Variants in AFF1 observed in about 807,000 individuals in gnomAD.
AFF1 encodes the protein ALF transcription elongation factor 1.
AFF1 carries 48 observed loss-of-function variants against 121.7 expected under a neutral mutation model. The ratio of observed to expected loss-of-function variants is 0.39; its 90% confidence interval spans 0.31 to 0.50. AFF1 has a LOEUF of 0.50. Ranked by LOEUF, AFF1 falls within the 20% of genes least tolerant of loss-of-function variation. The probability of loss-of-function intolerance (pLI) is 0.76; values close to 1 mark genes in which losing one functional copy is unlikely to be tolerated. For missense variants in AFF1, 1,523 were observed against 1,511.7 expected, an observed-to-expected ratio of 1.01 and a Z score of -0.12; for synonymous variants, 613 against 563.0, an observed-to-expected ratio of 1.09 and a Z score of -1.26.
At chr4:87,092,990 A>G (rs957575407) in intron 7 of AFF1, among the ~76,000 whole-genome samples, 5 of 152,204 alleles carry the variant, frequency 3.3e-5, no homozygotes, top group African/African-American at 7.2e-5. Flanking sequence ...GTTGCTGGTC[A>G]TGCAGGTGGC....
At position 87,134,645 on chromosome 4, in the gene AFF1, C is replaced by T. The variant is rs2230859; in HGVS notation, c.3486C>T (p.Thr1162=). 1,960 of 1,614,102 alleles carry T rather than the reference C, an allele frequency of 1.2e-3. 18 individuals carry two copies. In the African/African-American group the frequency reaches 0.023, roughly 19 times the overall value. ...TCACCATCACATCCCATGTTCTTAC[C>T]GCCTTTGACCTTTGGGAACAGGCCG... ...SYVTITSHVL[T]AFDLWEQAEA... Residue 1162 remains threonine (T), a synonymous_variant, in exon 20 of 21, where the codon ACC becomes ACT. Transcript: ENST00000395146.
intron 8 of AFF1, among the ~76,000 whole-genome samples, chr4:87,097,350 A>T (rs1724978968): frequency 6.6e-6 from 1 of 152,158 alleles, no homozygotes; most frequent in Non-Finnish European, 1.5e-5. Flanking sequence ...GTAGCCTCAG[A>T]CTGAGCAGGC....
chr4:86,996,948 G>C (rs1395936550), intron 2 of AFF1, among the ~76,000 whole-genome samples: 2 of 152,142 alleles, frequency 1.3e-5, no homozygotes, highest in Non-Finnish European at 2.9e-5. Flanking sequence ...GTCTTGCTCT[G>C]TTGCCCAGGC....
At chr4:87,107,385 T>C (rs375962) in intron 10 of AFF1, among the ~76,000 whole-genome samples, 149,255 of 152,302 alleles carry the variant, frequency 0.98, 73,206 homozygotes, top group East Asian at 1. Context: ...TGTGTTTTCT[T>C]ACTAACTTAG....
At chr4:86,992,233 T>A (rs1035910172) in intron 2 of AFF1, among the ~76,000 whole-genome samples, 2 of 152,166 alleles carry the variant, frequency 1.3e-5, no homozygotes, top group Non-Finnish European at 2.9e-5. Flanking sequence ...CTGAGAAAAT[T>A]GCCCATTTTC....
chr4:86,993,254 C>T (rs1724868849), intron 2 of AFF1, among the ~76,000 whole-genome samples: 1 of 152,156 alleles, frequency 6.6e-6, no homozygotes, highest in African/African-American at 2.4e-5. Context: ...ACAGAAAGTG[C>T]CAGTAGTTGA....
intron 5 of AFF1, among the ~76,000 whole-genome samples, chr4:87,087,245 A>G (rs1723830100): frequency 6.6e-6 from 1 of 152,262 alleles, no homozygotes; most frequent in African/African-American, 2.4e-5. Flanking sequence ...CCACAGCACT[A>G]GGATGTTGTA....
intron 2 of AFF1, among the ~76,000 whole-genome samples, chr4:87,021,117 A>G (rs993891486): frequency 6.6e-6 from 1 of 152,000 alleles, no homozygotes; most frequent in African/African-American, 2.4e-5. Flanking sequence ...TCTGAGGTGC[A>G]CTCTCAGAAT....
chr4:86,951,616 T>TTTTTTC (rs1379773172), intron 2 of AFF1, among the ~76,000 whole-genome samples: 3,098 of 97,210 alleles, frequency 0.032, 296 homozygotes, highest in African/African-American at 0.11. Flanking sequence ...TTCTTTTTTC[T>TTTTTTC]TTTTTTCTTT....
intron 2 of AFF1, chr4:86,950,208 C>G: frequency 2.4e-6 from 3 of 1,241,420 alleles, no homozygotes; most frequent in South Asian, 1.2e-5. Context: ...GACAAAGTTT[C>G]GCTATTGTTG....
chr4:86,972,542 TTTTAA>T (rs1340408761), intron 2 of AFF1, among the ~76,000 whole-genome samples: 1 of 152,216 alleles, frequency 6.6e-6, no homozygotes, highest in Non-Finnish European at 1.5e-5. Context: ...ATTATATTTA[TTTTAA>T]TTTATCTTGA....
At chr4:87,104,490 A>G (rs775095083) in intron 8 of AFF1, among the ~76,000 whole-genome samples, 1 of 152,262 alleles carries the variant, frequency 6.6e-6, no homozygotes, top group Non-Finnish European at 1.5e-5. Context: ...TTAGAAACTT[A>G]TCCCAGTATG....
chr4:87,003,152 A>T (rs1725852005), intron 2 of AFF1, among the ~76,000 whole-genome samples: 1 of 151,968 alleles, frequency 6.6e-6, no homozygotes, highest in African/African-American at 2.4e-5. Context: ...ACTCCCATGA[A>T]TTTACATTAC....
chr4:87,081,152 ATT>A (rs549510832), intron 4 of AFF1, among the ~76,000 whole-genome samples: 261 of 89,686 alleles, frequency 2.9e-3, no homozygotes, highest in African/African-American at 0.011. Context: ...AATGAAATGA[ATT>A]TTTTTTTTTT....
At chr4:87,084,025 G>A (rs879919456) in intron 4 of AFF1, 95 bp from the exon 5 acceptor site, 7 of 1,143,994 alleles carry the variant, frequency 6.1e-6, no homozygotes, top group Middle Eastern at 2.0e-4. Flanking sequence ...GGTAAGCCTT[G>A]AGATGAGTAT....
chr4:87,091,013 T>A, intron 6 of AFF1, among the ~76,000 whole-genome samples: 1 of 100,338 alleles, frequency 1.0e-5, no homozygotes, highest in African/African-American at 4.0e-5. Flanking sequence ...ACCCCGTCTC[T>A]CTACCACCAA....
At chr4:87,095,141 G>C (rs1724703013) in intron 8 of AFF1, among the ~76,000 whole-genome samples, 172 bp downstream of exon 8, 1 of 152,128 alleles carries the variant, frequency 6.6e-6, no homozygotes, top group Non-Finnish European at 1.5e-5. Flanking sequence ...TGTTTGAGAT[G>C]GGGTCTTAAC....
At chr4:86,984,404 G>A (rs113357539) in intron 2 of AFF1, among the ~76,000 whole-genome samples, 6,295 of 148,070 alleles carry the variant, frequency 0.043, 433 homozygotes, top group African/African-American at 0.15. Context: ...CTCAGCTCAC[G>A]CAACTTCTGT....
intron 8 of AFF1, 96 bp downstream of exon 8, chr4:87,095,065 T>A: frequency 8.4e-7 from 1 of 1,189,624 alleles, no homozygotes; most frequent in Non-Finnish European, 1.2e-6. Context: ...CTTTATGTAA[T>A]GACATTAATA....
Sources: gnomAD v4.1 joint callset for allele counts (sites outside exome capture counted in the v4.1 genomes callset) on GRCh38, gnomAD v4.1.1 for gene constraint, MANE v1.5 for transcripts, NCBI Gene and HGNC (gene_info 2026-07-23, HGNC 2026-07-21) for gene names.